The following ADGRL2 variants were observed in gnomAD, a reference collection of about 807,000 sequenced individuals.
ADGRL2 encodes calcium-independent alpha-latrotoxin receptor 2.
ADGRL2 carries 44 observed loss-of-function variants against 157.4 expected under a neutral mutation model. That is an observed-to-expected ratio of 0.28 (90% CI 0.22 to 0.36). The LOEUF is 0.36. ADGRL2 is among the 10% of genes least tolerant of loss of function. ADGRL2 has a pLI of 1.00. For synonymous variants in ADGRL2, 585 were observed against 624.7 expected (o/e 0.94, Z 0.95); for missense variants, 1,510 against 1,768.9 (o/e 0.85, Z 2.63).
chr1:81,533,730 T>C (rs1366211867), intron 2 of ADGRL2, among the ~76,000 whole-genome samples: 1 of 152,200 alleles, frequency 6.6e-6, no homozygotes, highest in East Asian at 1.9e-4. Context: ...CTATAATTTA[T>C]TCTATTACAG....
At chr1:81,778,708 G>T (rs1216149981) in intron 2 of ADGRL2, among the ~76,000 whole-genome samples, 1 of 152,074 alleles carries the variant, frequency 6.6e-6, no homozygotes, top group Non-Finnish European at 1.5e-5. Flanking sequence ...TTTTTCAAAG[G>T]TAATCATTTG....
At chr1:81,552,539 G>A (rs1399800715) in intron 2 of ADGRL2, among the ~76,000 whole-genome samples, 1 of 145,052 alleles carries the variant, frequency 6.9e-6, no homozygotes, top group East Asian at 2.1e-4. Flanking sequence ...TTAAAATTAG[G>A]ATTTCAGGTA....
intron 3 of ADGRL2, among the ~76,000 whole-genome samples, chr1:81,624,349 G>A (rs1475587159): frequency 1.3e-5 from 2 of 152,060 alleles, no homozygotes; most frequent in African/African-American, 4.8e-5. Flanking sequence ...GGGAGGCCGA[G>A]GCAGGCAGAT....
intron 2 of ADGRL2, among the ~76,000 whole-genome samples, chr1:81,541,329 G>C (rs771696135): frequency 2.6e-5 from 4 of 152,140 alleles, no homozygotes; most frequent in Non-Finnish European, 5.9e-5. Context: ...TCTTTTCCAT[G>C]TATTATATTT....
chr1:81,477,196 G>A (rs1207329124), intron 2 of ADGRL2, among the ~76,000 whole-genome samples: 1 of 152,080 alleles, frequency 6.6e-6, no homozygotes, highest in Non-Finnish European at 1.5e-5. Context: ...CCTCCAAGAT[G>A]GATTATTATA....
intron 1 of ADGRL2, among the ~76,000 whole-genome samples, chr1:81,374,345 G>T (rs2076209923): frequency 6.6e-6 from 1 of 152,148 alleles, no homozygotes; most frequent in Non-Finnish European, 1.5e-5. Flanking sequence ...GCCGAGGCGG[G>T]TGGATCACCT....
intron 2 of ADGRL2, among the ~76,000 whole-genome samples, chr1:81,482,120 TCTTTTAAAA>T (rs1213396823): frequency 1.3e-5 from 2 of 152,218 alleles, no homozygotes; most frequent in African/African-American, 4.8e-5. Context: ...CTGCTTAGAC[TCTTTTAAAA>T]CACCAGTTTG....
intron 3 of ADGRL2, among the ~76,000 whole-genome samples, chr1:81,639,369 C>A (rs1317795153): frequency 1.3e-5 from 2 of 151,846 alleles, no homozygotes; most frequent in Admixed American, 1.3e-4. Context: ...CTGGGCCCCA[C>A]CAGAAAGTTC....
intron 3 of ADGRL2, among the ~76,000 whole-genome samples, chr1:81,593,416 G>T (rs1313403772): frequency 1.3e-5 from 2 of 152,116 alleles, no homozygotes; most frequent in South Asian, 2.1e-4. Flanking sequence ...GTAAATTGGG[G>T]TTAATGCTAG....
chr1:81,319,491 C>A (rs1283308668), intron 1 of ADGRL2, among the ~76,000 whole-genome samples: 1 of 152,080 alleles, frequency 6.6e-6, no homozygotes, highest in African/African-American at 2.4e-5. Flanking sequence ...GAATTCCCTA[C>A]CTTTCTCTCC....
intron 3 of ADGRL2, among the ~76,000 whole-genome samples, chr1:81,614,259 G>A (rs540371887): frequency 2.0e-5 from 3 of 152,244 alleles, no homozygotes; most frequent in East Asian, 3.9e-4. Flanking sequence ...AATCCCCTAC[G>A]AGGGTACATA....
intron 2 of ADGRL2, among the ~76,000 whole-genome samples, chr1:81,485,054 G>C (rs748242349): frequency 2.0e-5 from 3 of 151,922 alleles, no homozygotes; most frequent in Non-Finnish European, 4.4e-5. Context: ...TGCTTTGAAT[G>C]CTATGACAAA....
intron 1 of ADGRL2, among the ~76,000 whole-genome samples, chr1:81,816,024 A>G (rs2090368345): frequency 6.6e-6 from 1 of 151,810 alleles, no homozygotes; most frequent in East Asian, 1.9e-4. Context: ...AGCTCTTAGA[A>G]CAATACTAAA....
chr1:81,901,606 C>T (rs1416605642), intron 2 of ADGRL2, among the ~76,000 whole-genome samples: 3 of 150,454 alleles, frequency 2.0e-5, no homozygotes, highest in Admixed American at 6.6e-5. Context: ...TGATTTCTTC[C>T]CGTGAGTCAG....
Position 81,987,435 on chromosome 1 carries a change from A to G in ADGRL2, c.3637+406A>G, listed in dbSNP as rs59372304. The G allele has an allele frequency of 2.8e-4, 231 of 817,968 alleles. No individual in the cohort carries two copies. In the African/African-American group the frequency reaches 3.2e-3, roughly 11 times the overall value. 50.7% of individuals were successfully genotyped at this position (817,968 alleles called of 1,614,324 possible). A position where few individuals can be genotyped will look rare whatever the true frequency, so the allele number is the denominator to read the frequency against. ...GAATTAGCTAATGAAGATAATTTGG[A>G]TGCCTAGCTATAGAAAACCACATTC... On this transcript the variant is annotated intron_variant, in intron 22 of 23. Coordinates refer to ENST00000686636, the MANE Select transcript of ADGRL2 (RefSeq NM_001366006.2).
chr1:81,363,754 C>A (rs545983244), intron 1 of ADGRL2, among the ~76,000 whole-genome samples: 2 of 152,050 alleles, frequency 1.3e-5, no homozygotes, highest in Non-Finnish European at 2.9e-5. Context: ...TCTTAGTTGC[C>A]AAGTTAAAAG....
At chr1:81,880,399 T>C (rs959697055) in intron 2 of ADGRL2, among the ~76,000 whole-genome samples, 1 of 152,178 alleles carries the variant, frequency 6.6e-6, no homozygotes, top group African/African-American at 2.4e-5. Flanking sequence ...AGAAAGTAAT[T>C]TTAAGATATT....
chr1:81,818,319 T>C (rs2149797729), intron 1 of ADGRL2, among the ~76,000 whole-genome samples: 1 of 152,318 alleles, frequency 6.6e-6, no homozygotes, highest in South Asian at 2.1e-4. Context: ...GATAAGGTCT[T>C]GGATTTACTT....
At chr1:81,746,891 TACACGTATATACACACGTGC>T in intron 1 of ADGRL2, among the ~76,000 whole-genome samples, 1 of 149,602 alleles carries the variant, frequency 6.7e-6, no homozygotes, top group Non-Finnish European at 1.5e-5. Flanking sequence ...TGCACACGTA[TACACGTATATACACACGTGC>T]ACACGTATAT....
Sources: gnomAD v4.1 joint callset for allele counts (sites outside exome capture counted in the v4.1 genomes callset) on GRCh38, gnomAD v4.1.1 for gene constraint, MANE v1.5 for transcripts, NCBI Gene and HGNC (gene_info 2026-07-23, HGNC 2026-07-21) for gene names.